The following SLC30A10 variants were observed in gnomAD, a reference collection of about 807,000 sequenced individuals.
SLC30A10 encodes solute carrier family 30 member 10, also known as calcium/manganese antiporter SLC30A10.
A neutral mutation model predicts 21.7 loss-of-function variants in SLC30A10; 8 were observed. The ratio of observed to expected loss-of-function variants is 0.37; its 90% CI spans 0.22 to 0.67. The LOEUF (loss-of-function observed/expected upper bound fraction) is 0.67. Among genes scored for constraint, SLC30A10 ranks in the 30% least tolerant of loss-of-function variants. The probability of loss-of-function intolerance (pLI) is 0.58; values close to 1 mark genes in which losing one functional copy is unlikely to be tolerated. For synonymous variants in SLC30A10, 272 were observed against 279.4 expected (o/e 0.97, Z 0.26); for missense variants, 521 against 642.5 (o/e 0.81, Z 2.04).
chr1:219,922,891 C>T (rs1257659196), intron 2 of SLC30A10, among the ~76,000 whole-genome samples: 3 of 152,094 alleles, frequency 2.0e-5, no homozygotes, highest in Non-Finnish European at 4.4e-5. Flanking sequence ...AGATGAAGTT[C>T]CTTGCCCAAG....
intron 1 of SLC30A10, among the ~76,000 whole-genome samples, chr1:219,955,342 A>G (rs928375473): frequency 2.0e-5 from 3 of 152,158 alleles, no homozygotes; most frequent in Non-Finnish European, 4.4e-5. Flanking sequence ...TGGCTCTACC[A>G]TCACCTGAAC....
At chr1:219,958,347 C>T (rs1660379635) in intron 1 of SLC30A10, among the ~76,000 whole-genome samples, 1 of 152,084 alleles carries the variant, frequency 6.6e-6, no homozygotes, top group Admixed American at 6.6e-5. Flanking sequence ...AGTAAAAATT[C>T]GAGAAGTCCT....
intron 2 of SLC30A10, among the ~76,000 whole-genome samples, chr1:219,919,508 G>T (rs960879717): frequency 6.6e-5 from 10 of 152,122 alleles, no homozygotes; most frequent in African/African-American, 2.4e-4. Context: ...GGGCGTGGTG[G>T]CTCACTCCTG....
upstream of SLC30A10, among the ~76,000 whole-genome samples, chr1:219,929,525 CTT>C (rs11382012): frequency 8.1e-5 from 12 of 147,864 alleles, no homozygotes; most frequent in Non-Finnish European, 1.5e-4. Flanking sequence ...AATAAAGACT[CTT>C]TTTTTTTTTT....
chr1:219,914,384 T>C lies in SLC30A10; in HGVS notation c.*1065A>G, dbSNP rs1449149977. The C allele has an allele frequency of 2.0e-5, 3 of 152,220 alleles. No homozygotes were observed. Among genetic ancestry groups the C allele is most frequent in the African/African-American group, 7.2e-5 (3 of 41,460 alleles). 9.4% of individuals were successfully genotyped at this position (152,220 alleles called of 1,614,324 possible). ...AACACATTAAAGGCAGCAATTAAGCTAATTCTCATTTCTCCCTTGGGCATC... is the reference window on the plus strand; with the variant it reads ...AACACATTAAAGGCAGCAATTAAGCCAATTCTCATTTCTCCCTTGGGCATC... On this transcript the variant is annotated 3_prime_UTR_variant, in exon 4 of 4. Transcript: ENST00000366926.
At chr1:219,957,516 T>C (rs1360597368) in intron 1 of SLC30A10, among the ~76,000 whole-genome samples, 2 of 152,328 alleles carry the variant, frequency 1.3e-5, no homozygotes, top group African/African-American at 4.8e-5. Flanking sequence ...TGCCATGTAG[T>C]TTAAAGGCTT....
intron 1 of SLC30A10, among the ~76,000 whole-genome samples, chr1:219,939,823 T>C (rs1199390645): frequency 6.6e-6 from 1 of 152,172 alleles, no homozygotes; most frequent in Non-Finnish European, 1.5e-5. Flanking sequence ...TCTTTAACCA[T>C]GGACCCATTC....
intron 1 of SLC30A10, among the ~76,000 whole-genome samples, chr1:219,941,289 A>G (rs1214992461): frequency 6.6e-6 from 1 of 152,258 alleles, no homozygotes; most frequent in East Asian, 1.9e-4. Flanking sequence ...AAACAGCTTC[A>G]GCTCAGGAGT....
At chr1:219,950,669 G>C (rs1266960665) in intron 1 of SLC30A10, among the ~76,000 whole-genome samples, 3 of 152,026 alleles carry the variant, frequency 2.0e-5, no homozygotes, top group Non-Finnish European at 2.9e-5. Flanking sequence ...TAACACATAG[G>C]CTGGGCGTGT....
chr1:219,937,091 T>C (rs1660055199), intron 1 of SLC30A10, among the ~76,000 whole-genome samples: 1 of 152,246 alleles, frequency 6.6e-6, no homozygotes, highest in African/African-American at 2.4e-5. Flanking sequence ...TTGCCATTCA[T>C]AAATGAGCAA....
chr1:219,922,169 T>C (rs933565905), intron 2 of SLC30A10, among the ~76,000 whole-genome samples: 47 of 51,618 alleles, frequency 9.1e-4, no homozygotes, highest in Non-Finnish European at 7.4e-4. Flanking sequence ...TGTGTGTGTG[T>C]GTGTGTGTTT....
Position 219,915,737 on chromosome 1 carries a change from G to A in SLC30A10, c.1170C>T (p.Pro390=), listed in dbSNP as rs1442084355. 6.2e-7 allele frequency: 1 copy of A among 1,614,044 alleles called. No individual in the cohort carries two copies. The highest frequency in any genetic ancestry group is 1.3e-5 in the African/African-American group (1 of 74,918). The part of the protein sequence containing the change: ...IQFENVDLKE[P]LEQKDLLLLC... ...GCAACAGTAAGTCCTTCTGCTCCAG[G>A]GGTTCCTTCAAGTCCACATTTTCAA... The change falls in exon 4 of 4, where the codon CCC becomes CCT. Residue 390 remains proline (P), a synonymous_variant. Coordinates refer to ENST00000366926, the MANE Select transcript of SLC30A10 (RefSeq NM_018713.3).
At chr1:219,935,639 T>C (rs1318146865) in intron 1 of SLC30A10, among the ~76,000 whole-genome samples, 1 of 152,212 alleles carries the variant, frequency 6.6e-6, no homozygotes, top group African/African-American at 2.4e-5. Context: ...GAGAATCAAA[T>C]GAAAAAGCTT....
At chr1:219,933,608 G>A (rs972374572), upstream of SLC30A10, among the ~76,000 whole-genome samples, 4 of 152,082 alleles carry the variant, frequency 2.6e-5, no homozygotes, top group African/African-American at 7.3e-5. Flanking sequence ...GTGGGAAAAG[G>A]TATATAAATT....
At chr1:219,929,314 G>A (rs1659928846), upstream of SLC30A10, among the ~76,000 whole-genome samples, 1 of 152,188 alleles carries the variant, frequency 6.6e-6, no homozygotes, top group Non-Finnish European at 1.5e-5. Context: ...CTGTAAGCAT[G>A]CACTCCTGCC....
Position 219,927,924 on chromosome 1 carries a change from C to T in SLC30A10, c.517G>A (p.Ala173Thr), listed in dbSNP as rs1040999644. The change falls in exon 1 of 4, where the codon GCG becomes ACG. Residue 173 changes from alanine to threonine, a missense_variant. Transcript: ENST00000366926. The stretch of plus-strand genomic sequence containing the variant: ...TCCGCCGCGCGCCGCGGGTCCTCCG[C>T]GCCCTGAGGCCCCCCGAAAGCGCCG... ...VPGAFGGPQG[A>T]EDPRRAADPT... is the part of the protein sequence containing the mutation. The T allele has an allele frequency of 5.9e-6, 9 of 1,537,458 alleles. No homozygotes were observed. The highest frequency in any genetic ancestry group is 5.7e-5 in the African/African-American group (4 of 70,584).
upstream of SLC30A10, among the ~76,000 whole-genome samples, chr1:219,931,094 G>T (rs951364630): frequency 6.6e-6 from 1 of 152,180 alleles, no homozygotes; most frequent in Admixed American, 6.5e-5. Context: ...AATAAGTGAG[G>T]GAAGCCTGGT....
At chr1:219,930,944 C>T (rs974765644), upstream of SLC30A10, among the ~76,000 whole-genome samples, 1 of 152,174 alleles carries the variant, frequency 6.6e-6, no homozygotes, top group African/African-American at 2.4e-5. Flanking sequence ...GATGGAATTA[C>T]TATTGAACAA....
At chr1:219,955,346 C>G (rs1317268811) in intron 1 of SLC30A10, among the ~76,000 whole-genome samples, 1 of 152,280 alleles carries the variant, frequency 6.6e-6, no homozygotes, top group African/African-American at 2.4e-5. Context: ...TCTACCATCA[C>G]CTGAACTTCC....
Sources: allele counts gnomAD v4.1 joint callset (sites outside exome capture counted in the v4.1 genomes callset), GRCh38; gene constraint gnomAD v4.1.1; transcripts MANE v1.5; gene names NCBI Gene and HGNC (gene_info 2026-07-23, HGNC 2026-07-21).